Variants in SLCO5A1 observed in about 807,000 individuals in gnomAD.
SLCO5A1 encodes the protein organic anion transporter polypeptide-related protein 4.
A neutral mutation model predicts 65.1 loss-of-function variants in SLCO5A1; 39 were observed. That is an observed-to-expected ratio of 0.60 (90% CI 0.46 to 0.78). SLCO5A1 has a LOEUF of 0.78. SLCO5A1 is among the 30% of genes least tolerant of loss of function. The pLI is 0.00. For missense variants in SLCO5A1, 1,029 were observed against 1,069.4 expected (o/e 0.96, Z 0.53); for synonymous variants, 438 against 415.7 (o/e 1.05, Z -0.65).
intron 2 of SLCO5A1, among the ~76,000 whole-genome samples, chr8:69,825,660 C>T (rs1820852870): frequency 1.3e-5 from 2 of 152,140 alleles, no homozygotes; most frequent in South Asian, 4.1e-4. Context: ...ACGTTCCATG[C>T]TCATGGGTAG....
At chr8:69,714,698 G>A (rs1815432663) in intron 5 of SLCO5A1, 1 of 152,152 alleles carries the variant, frequency 6.6e-6, no homozygotes. Context: ...TTTAGTAAAG[G>A]CTTTCAAAGG....
At chr8:69,743,973 T>C (rs532484533) in intron 4 of SLCO5A1, among the ~76,000 whole-genome samples, 1 of 152,244 alleles carries the variant, frequency 6.6e-6, no homozygotes, top group African/African-American at 2.4e-5. Flanking sequence ...CAGTGGAGTC[T>C]GCAGAGTGAC....
At chr8:69,820,957 A>G (rs929117888) in intron 2 of SLCO5A1, among the ~76,000 whole-genome samples, 5 of 152,210 alleles carry the variant, frequency 3.3e-5, no homozygotes, top group African/African-American at 4.8e-5. Flanking sequence ...CTGAAGTCCC[A>G]TGACCAGTTG....
At chr8:69,738,989 C>T (rs1020134435) in intron 4 of SLCO5A1, among the ~76,000 whole-genome samples, 1 of 152,154 alleles carries the variant, frequency 6.6e-6, no homozygotes, top group Non-Finnish European at 1.5e-5. Context: ...GGGGAATCTA[C>T]ATTTCCATCA....
intron 2 of SLCO5A1, among the ~76,000 whole-genome samples, chr8:69,768,350 T>G (rs1158075484): frequency 1.3e-5 from 2 of 152,232 alleles, no homozygotes; most frequent in Non-Finnish European, 2.9e-5. Flanking sequence ...TTTCTCTGGG[T>G]GTACCTCCTC....
chr8:69,774,029 C>G (rs1467244364), intron 2 of SLCO5A1, among the ~76,000 whole-genome samples: 1 of 152,184 alleles, frequency 6.6e-6, no homozygotes, highest in African/African-American at 2.4e-5. Context: ...CATTATCTGC[C>G]TCTCCCACTG....
intron 5 of SLCO5A1, among the ~76,000 whole-genome samples, chr8:69,721,013 G>GCT (rs1392111061): frequency 2.6e-5 from 4 of 152,202 alleles, no homozygotes; most frequent in Non-Finnish European, 5.9e-5. Flanking sequence ...TAGAGTAACA[G>GCT]CTTGACTTAT....
rs1298672856 is a variant in SLCO5A1 at position 69,673,160 on chromosome 8, A to C, written c.2256T>G (p.Phe752Leu). The change falls in exon 10 of 10, where the codon TTT becomes TTG. Residue 752 changes from phenylalanine to leucine, a missense_variant. This residue lies in a region of SLCO5A1 where 258 missense variants were observed against 237.4 expected (regional missense o/e 1.09). Coordinates refer to ENST00000260126, the MANE Select transcript of SLCO5A1 (RefSeq NM_030958.3). ...TTATGGAGTACCAGGCCAGAAAAAT[A>C]AAAATAAACCCAACGAATTTGAGGC... ...AAGLKFVGFI[F>L]IFLAWYSIKY... is the part of the protein sequence containing the mutation. 1 of 1,614,246 alleles carries C rather than the reference A, an allele frequency of 6.2e-7. No individual in the cohort carries two copies.
intron 2 of SLCO5A1, among the ~76,000 whole-genome samples, chr8:69,822,135 ATAAAAT>A (rs1416222431): frequency 6.6e-6 from 1 of 152,180 alleles, no homozygotes; most frequent in Non-Finnish European, 1.5e-5. Flanking sequence ...TCAAAATAAA[ATAAAAT>A]AGAAAATAAA....
chr8:69,739,931 C>T (rs980626549), intron 4 of SLCO5A1, among the ~76,000 whole-genome samples: 3 of 152,118 alleles, frequency 2.0e-5, no homozygotes, highest in African/African-American at 7.2e-5. Flanking sequence ...AATGTGTTGA[C>T]TCTAAAACAT....
chr8:69,791,401 G>A (rs1819261080), intron 2 of SLCO5A1, among the ~76,000 whole-genome samples: 1 of 152,188 alleles, frequency 6.6e-6, no homozygotes, highest in South Asian at 2.1e-4. Flanking sequence ...CCAAGACATG[G>A]ATGTACTGAG....
Position 69,724,761 on chromosome 8 carries a change from T to C in SLCO5A1, c.1423+13279A>G, listed in dbSNP as rs1815987892. On this transcript the variant is annotated intron_variant, in intron 5 of 9. Coordinates refer to ENST00000260126, the MANE Select transcript of SLCO5A1 (RefSeq NM_030958.3). ...GGCCAGGATATTCATTAGCTCAGGA[T>C]GTGATCTTTATGAGTAAACAGAAAG... 2.0e-5 allele frequency among the ~76,000 whole-genome samples: 3 copies of C among 152,220 alleles called. No individual in the cohort carries two copies. The South Asian group carries it at 6.2e-4, about 32-fold the overall frequency.
rs1359132175 is a variant in SLCO5A1 at position 69,831,926 on chromosome 8, C to T, written c.748G>A (p.Ala250Thr). 3.7e-6 allele frequency: 6 copies of T among 1,602,210 alleles called. No homozygotes were observed. Among genetic ancestry groups the T allele is most frequent in the Non-Finnish European group, 5.1e-6 (6 of 1,175,506 alleles). Residue 250 changes from alanine to threonine, a missense_variant, in exon 2 of 10, where the codon GCC (alanine) becomes ACC (threonine). Around this residue, in one of 3 missense-constraint regions of SLCO5A1, gnomAD observed 647 missense variants for 647.5 expected, o/e 1.00. Transcript: ENST00000260126. ...GNSTATLEPP[A>T]CPKDSGGNNH... is the part of the protein sequence containing the mutation. ...TTTCCTCCCGAGTCCTTCGGACAGG[C>T]CGGAGGCTCCAAAGTGGCGGTGGAG...
chr8:69,772,845 G>T, intron 2 of SLCO5A1: 1 of 780,186 alleles, frequency 1.3e-6, no homozygotes, highest in Non-Finnish European at 1.6e-6. Context: ...GCAAGGCACT[G>T]GGACAGGGAG....
At chr8:69,754,129 C>A (rs1817448912) in intron 4 of SLCO5A1, among the ~76,000 whole-genome samples, 1 of 151,058 alleles carries the variant, frequency 6.6e-6, no homozygotes, top group Non-Finnish European at 1.5e-5. Flanking sequence ...TAATGGTCTA[C>A]AATAGGTTCA....
intron 4 of SLCO5A1, 56 bp downstream of exon 4, chr8:69,755,367 TA>T (rs1817493594): frequency 6.9e-7 from 1 of 1,443,858 alleles, no homozygotes. Flanking sequence ...GGGACCACAC[TA>T]TGAGTAGCAC....
At chr8:69,814,155 C>T (rs918560813) in intron 2 of SLCO5A1, among the ~76,000 whole-genome samples, 2 of 151,934 alleles carry the variant, frequency 1.3e-5, no homozygotes, top group Non-Finnish European at 2.9e-5. Context: ...AATATGACCC[C>T]AAAAGTGCAG....
intron 5 of SLCO5A1, among the ~76,000 whole-genome samples, chr8:69,709,843 A>G (rs1034166283): frequency 6.6e-6 from 1 of 152,132 alleles, no homozygotes; most frequent in Non-Finnish European, 1.5e-5. Flanking sequence ...GGGTCCAGAC[A>G]ATATTGGACA....
intron 9 of SLCO5A1, 107 bp from the exon 10 acceptor site, chr8:69,673,433 G>A (rs1586667113): frequency 5.4e-6 from 5 of 925,302 alleles, no homozygotes; most frequent in Non-Finnish European, 8.2e-6. Context: ...CAGTTGAGGG[G>A]AGGGATTTTC....
Sources: allele counts gnomAD v4.1 joint callset (sites outside exome capture counted in the v4.1 genomes callset), GRCh38; gene constraint gnomAD v4.1.1; regional missense constraint gnomAD v4.1.1; transcripts MANE v1.5; gene names NCBI Gene and HGNC (gene_info 2026-07-23, HGNC 2026-07-21).